The following TRPC5 variants were observed in gnomAD, a reference collection of about 807,000 sequenced individuals.
TRPC5 encodes short transient receptor potential channel 5.
TRPC5 carries 9 observed loss-of-function variants against 56.5 expected under a neutral mutation model. That is an observed-to-expected ratio of 0.16 (90% CI 0.10 to 0.28). TRPC5 has a LOEUF of 0.28. Among genes scored for constraint, TRPC5 ranks in the 10% least tolerant of loss-of-function variants. The probability of loss-of-function intolerance (pLI) is 1.00; values close to 1 mark genes in which losing one functional copy is unlikely to be tolerated. For synonymous variants in TRPC5, 282 were observed against 278.5 expected (o/e 1.01, Z -0.13); for missense variants, 469 against 748.9 (o/e 0.63, Z 4.36).
At chrX:111,956,651 G>A (rs900714898) in intron 1 of TRPC5, among the ~76,000 whole-genome samples, 2 of 111,277 alleles carry the variant, frequency 1.8e-5, no homozygotes, top group South Asian at 7.7e-4. Context: ...GATTTTGAGA[G>A]CATTTTGGCT....
At chrX:111,870,441 A>G (rs1218299863) in intron 3 of TRPC5, among the ~76,000 whole-genome samples, 1 of 112,029 alleles carries the variant, frequency 8.9e-6, no homozygotes, top group Admixed American at 9.5e-5. Flanking sequence ...TAATTTTGGG[A>G]CATGCTTATA....
chrX:111,998,552 T>A (rs1928608673), intron 1 of TRPC5, among the ~76,000 whole-genome samples: 1 of 111,959 alleles, frequency 8.9e-6, no homozygotes, highest in African/African-American at 3.2e-5. Flanking sequence ...AACCCACAGA[T>A]ACAAAAAGTC....
At chrX:111,825,362 G>C (rs1361351231) in intron 7 of TRPC5, among the ~76,000 whole-genome samples, 1 of 107,533 alleles carries the variant, frequency 9.3e-6, no homozygotes, top group Non-Finnish European at 1.9e-5. Flanking sequence ...AGCGATTCTT[G>C]TGCCTCAGTC....
chrX:111,806,331 G>A (rs1921512907), intron 7 of TRPC5, among the ~76,000 whole-genome samples: 1 of 112,325 alleles, frequency 8.9e-6, no homozygotes. Context: ...GTATGGACAA[G>A]GTGTTGGCTA....
intron 7 of TRPC5, among the ~76,000 whole-genome samples, chrX:111,787,002 C>G (rs182344564): frequency 9.1e-6 from 1 of 109,679 alleles, no homozygotes; most frequent in Admixed American, 9.8e-5. Context: ...ATTAGATCAA[C>G]GAGACAGAAA....
intron 3 of TRPC5, chrX:111,896,277 G>A (rs1335142395): frequency 1.9e-5 from 2 of 107,036 alleles, no homozygotes; most frequent in African/African-American, 7.3e-5. Flanking sequence ...AAGGAAAAAA[G>A]CCCCTGATTG....
intron 7 of TRPC5, among the ~76,000 whole-genome samples, chrX:111,785,856 G>C (rs930081836): frequency 9.0e-6 from 1 of 111,306 alleles, no homozygotes; most frequent in African/African-American, 3.3e-5. Context: ...GAGAAGACAA[G>C]GTTAGAGAAA....
intron 10 of TRPC5, among the ~76,000 whole-genome samples, chrX:111,777,581 T>G (rs1464399137): frequency 9.0e-6 from 1 of 111,263 alleles, no homozygotes; most frequent in Non-Finnish European, 1.9e-5. Flanking sequence ...GTCACTGACT[T>G]TAGGAAAAAG....
intron 3 of TRPC5, chrX:111,902,119 G>A (rs1334834940): frequency 8.7e-7 from 1 of 1,153,105 alleles, no homozygotes; most frequent in East Asian, 3.3e-5. Context: ...ATCAGGCTAT[G>A]TTAGACATGG....
chrX:111,943,315 T>C (rs958621558), intron 2 of TRPC5, among the ~76,000 whole-genome samples: 1 of 111,940 alleles, frequency 8.9e-6, no homozygotes, highest in Non-Finnish European at 1.9e-5. Flanking sequence ...TGTTTGAGAT[T>C]TATAGGCTAG....
chrX:112,029,987 C>A (rs1450806052), intron 1 of TRPC5, among the ~76,000 whole-genome samples: 1 of 111,385 alleles, frequency 9.0e-6, no homozygotes, highest in African/African-American at 3.3e-5. Flanking sequence ...GCAACCACGC[C>A]TGGCTATTTG....
chrX:111,903,436 T>C (rs1925458166), intron 3 of TRPC5: 1 of 112,453 alleles, frequency 8.9e-6, no homozygotes, highest in African/African-American at 3.2e-5. Flanking sequence ...AACAGGTTTA[T>C]GAACAAAGCC....
chrX:111,891,835 C>A (rs1243229313), intron 3 of TRPC5, among the ~76,000 whole-genome samples: 1 of 111,835 alleles, frequency 8.9e-6, no homozygotes, highest in Non-Finnish European at 1.9e-5. Context: ...GAGTGAGCCA[C>A]CGCGCTTGGC....
chrX:111,913,933 C>T (rs1267487492), intron 2 of TRPC5, among the ~76,000 whole-genome samples: 1 of 98,642 alleles, frequency 1.0e-5, no homozygotes, highest in Non-Finnish European at 2.0e-5. Context: ...GCACTCCAGC[C>T]TGGGCAACAG....
At chrX:112,073,603 A>G (rs924215306) in intron 1 of TRPC5, among the ~76,000 whole-genome samples, 9 of 111,243 alleles carry the variant, frequency 8.1e-5, no homozygotes, top group Non-Finnish European at 1.5e-4. Flanking sequence ...GTGACTTTCT[A>G]AATTTTCATT....
At chrX:112,002,545 C>T (rs1202150568) in intron 1 of TRPC5, among the ~76,000 whole-genome samples, 1 of 111,955 alleles carries the variant, frequency 8.9e-6, no homozygotes, top group African/African-American at 3.3e-5. Flanking sequence ...TGGCATTAAA[C>T]ATACAAACAA....
rs113555140 is a variant in TRPC5 at position 112,016,360 on chromosome X, AGTGT to A, written c.-21-63923_-21-63920del. On this transcript the variant is annotated intron_variant, in intron 1 of 10. Transcript: ENST00000262839. The stretch of plus-strand genomic sequence containing the variant: ...CAGAGAAGCACCTCTGGAAGGTTGG[AGTGT>A]GTGTGTGTGTGTGTGTGTGTGTGTA... Among the ~76,000 whole-genome samples, 837 of 102,744 alleles carry A rather than the reference AGTGT, an allele frequency of 8.1e-3. 4 individuals are homozygous for A. Among genetic ancestry groups the A allele is most frequent in the African/African-American group, 0.029 (803 of 27,303 alleles). The allele number at this position is 102,744 out of a possible 115,157, so 89.2% of individuals were successfully genotyped here. A position where few individuals can be genotyped will look rare whatever the true frequency, so the allele number is the denominator to read the frequency against.
intron 3 of TRPC5, among the ~76,000 whole-genome samples, chrX:111,909,367 T>C (rs1925743381): frequency 9.2e-6 from 1 of 108,710 alleles, no homozygotes. Context: ...AATTAATTAA[T>C]TAATTTTTTA....
At chrX:111,977,116 G>A (rs947756965) in intron 1 of TRPC5, among the ~76,000 whole-genome samples, 4 of 110,462 alleles carry the variant, frequency 3.6e-5, no homozygotes, top group African/African-American at 1.3e-4. Flanking sequence ...AATCCCAAAT[G>A]GCCTTTAAAA....
Sources: gnomAD v4.1 joint callset for allele counts (sites outside exome capture counted in the v4.1 genomes callset) on GRCh38, gnomAD v4.1.1 for gene constraint, MANE v1.5 for transcripts, NCBI Gene and HGNC (gene_info 2026-07-23, HGNC 2026-07-21) for gene names.